The following NANS variants were observed in gnomAD, a reference collection of about 807,000 sequenced individuals.
The protein encoded by NANS is N-acetylneuraminate-9-phosphate synthase.
Under a neutral mutation model 33.3 loss-of-function variants are expected in NANS, and 29 were observed. That is an observed-to-expected ratio of 0.87 (90% CI 0.65 to 1.19). The LOEUF (loss-of-function observed/expected upper bound fraction) is 1.19. Among genes scored for constraint, NANS ranks in the 50% most tolerant of loss-of-function variants. The pLI is 0.00. For synonymous variants in NANS, 163 were observed against 177.2 expected (o/e 0.92, Z 0.64); for missense variants, 394 against 461.1 (o/e 0.85, Z 1.33).
At position 98,060,878 on chromosome 9, in the gene NANS, T is replaced by C. The variant is rs1215963034; in HGVS notation, c.229T>C (p.Trp77Arg). The change falls in exon 2 of 6, where the codon TGG (tryptophan) becomes CGG (arginine). Residue 77 changes from tryptophan (W) to arginine (R), a missense_variant. Transcript: ENST00000210444. ...GAGGCCATACACCTCGAAGCATTCC[T>C]GGGGGAAGACGTACGGGGAGCACAA... is the stretch of plus-strand genomic sequence containing the variant. ...LERPYTSKHS[W>R]GKTYGEHKRH... 1 of 1,614,138 alleles carries C rather than the reference T, an allele frequency of 6.2e-7. No homozygotes were observed. Among genetic ancestry groups the C allele is most frequent in the East Asian group, 2.2e-5 (1 of 44,886 alleles).
Position 98,080,982 on chromosome 9 carries a change from G to A in NANS, c.770G>A (p.Gly257Glu), listed in dbSNP as rs1466553738. Residue 257 changes from glycine to glutamate, a missense_variant, in exon 5 of 6, where the codon GGA becomes GAA. By Grantham distance (98) the Gly-to-Glu change is moderately conservative. Coordinates refer to ENST00000210444, the MANE Select transcript of NANS (RefSeq NM_018946.4). ...GSDHSASLEP[G>E]ELAELVRSVR... ...GACCACTCGGCCTCGCTGGAGCCTGGAGAACTGGCCGAGCTGGTGCGGTCA... is the reference window on the plus strand; with the variant it reads ...GACCACTCGGCCTCGCTGGAGCCTGAAGAACTGGCCGAGCTGGTGCGGTCA... The A allele has an allele frequency of 1.2e-6, 2 of 1,614,092 alleles. No individual in the cohort carries two copies. Among genetic ancestry groups the A allele is most frequent in the East Asian group, 4.5e-5 (2 of 44,900 alleles).
intron 1 of NANS, among the ~76,000 whole-genome samples, chr9:98,057,907 T>G (rs1453915066): frequency 2.7e-5 from 4 of 146,280 alleles, no homozygotes; most frequent in Non-Finnish European, 5.9e-5. Flanking sequence ...TTACTGTTTT[T>G]TTTTTTTTTT....
intron 2 of NANS, among the ~76,000 whole-genome samples, chr9:98,072,903 G>A (rs897688966): frequency 2.6e-5 from 4 of 152,132 alleles, no homozygotes; most frequent in African/African-American, 7.2e-5. Context: ...GTTCTAGGGC[G>A]TTCTCTGTGT....
intron 4 of NANS, among the ~76,000 whole-genome samples, chr9:98,078,856 T>C (rs1829717521): frequency 7.5e-6 from 1 of 133,620 alleles, no homozygotes. Context: ...AAAAAAAAAG[T>C]CTGTCTGTCA....
Position 98,060,941 on chromosome 9 carries a change from C to T in NANS, c.292C>T (p.Leu98=). 6.2e-7 allele frequency: 1 copy of T among 1,614,212 alleles called. No individual in the cohort carries two copies. Among genetic ancestry groups the T allele is most frequent in the Non-Finnish European group, 8.5e-7 (1 of 1,180,048 alleles). The change falls in exon 2 of 6, where the codon CTG becomes TTG. Residue 98 remains leucine (L), a synonymous_variant. Coordinates refer to ENST00000210444, the MANE Select transcript of NANS (RefSeq NM_018946.4). ...LEFSHDQYRE[L]QRYAEEVGIF... is the part of the protein sequence containing the mutation. ...GTTCAGCCATGACCAGTACAGGGAG[C>T]TGCAGAGGTACGCCGAGGAGGTTGG...
At chr9:98,061,339 T>C (rs558146098) in intron 2 of NANS, 46 of 262,750 alleles carry the variant, frequency 1.8e-4, no homozygotes, top group South Asian at 5.7e-4. Context: ...TAGCTGGGCA[T>C]GGTGGTGCGT....
intron 2 of NANS, chr9:98,076,697 A>G: frequency 1.9e-6 from 1 of 519,702 alleles, no homozygotes; most frequent in East Asian, 3.6e-5. Context: ...AGCAAAGACC[A>G]GCACCAAACG....
At chr9:98,077,076 C>G in intron 3 of NANS, 59 bp downstream of exon 3, 1 of 1,293,456 alleles carries the variant, frequency 7.7e-7, no homozygotes, top group South Asian at 1.3e-5. Flanking sequence ...TATTTTTACT[C>G]CCCTCATGGT....
chr9:98,082,214 G>T (rs1829897930), intron 5 of NANS: 1 of 152,176 alleles, frequency 6.6e-6, no homozygotes, highest in Non-Finnish European at 1.5e-5. Flanking sequence ...CTTGCCATCT[G>T]CATAACAGCC....
At chr9:98,064,379 G>A (rs1390194862) in intron 2 of NANS, among the ~76,000 whole-genome samples, 3 of 151,966 alleles carry the variant, frequency 2.0e-5, no homozygotes, top group Non-Finnish European at 4.4e-5. Flanking sequence ...TCAGCCTCCT[G>A]AGTAGCTGGG....
rs192146195 is a variant in NANS, at chr9:98,065,539, A to G, written c.348+4542A>G. On this transcript the variant is annotated intron_variant, in intron 2 of 5. Coordinates refer to ENST00000210444, the MANE Select transcript of NANS (RefSeq NM_018946.4). ...TTTTTAGTAGAGACGGGGTTTCACC[A>G]TGTTGGCCAGGCTGGTCTCGAACTC... Among the ~76,000 whole-genome samples the G allele has an allele frequency of 2.3e-4, 27 of 116,394 alleles. No individual in the cohort carries two copies. The Admixed American group carries it at 2.9e-3, about 12-fold the overall frequency. 76.4% of individuals were successfully genotyped at this position (116,394 alleles called of 152,430 possible).
chr9:98,073,733 G>A (rs7029283), intron 2 of NANS, among the ~76,000 whole-genome samples: 1 of 152,050 alleles, frequency 6.6e-6, no homozygotes, highest in Non-Finnish European at 1.5e-5. Context: ...ACACAGTACA[G>A]AAATGGGGTT....
At chr9:98,067,827 T>G (rs1195512928) in intron 2 of NANS, among the ~76,000 whole-genome samples, 1 of 133,452 alleles carries the variant, frequency 7.5e-6, no homozygotes, top group East Asian at 2.0e-4. Context: ...GCTCAAGCAA[T>G]CCTCCCACCT....
chr9:98,082,987 A>T lies in NANS; in HGVS notation c.1012A>T (p.Thr338Ser). 1 of 1,614,224 alleles carries T rather than the reference A, an allele frequency of 6.2e-7. No homozygotes were observed. The highest frequency in any genetic ancestry group is 8.5e-7 in the Non-Finnish European group (1 of 1,180,038). ...FNLVGKKVLVTVEEDDTIMEE... is the reference protein window; with the variant it reads ...FNLVGKKVLVSVEEDDTIMEE... ...TCTAGTGGGCAAGAAGGTCCTGGTC[A>T]CTGTTGAAGAGGATGACACCATCAT... Residue 338 changes from threonine (T) to serine (S), a missense_variant, in exon 6 of 6, where the codon ACT (threonine) becomes TCT (serine). Transcript: ENST00000210444.
At chr9:98,069,637 A>C (rs1476840556) in intron 2 of NANS, 1 of 152,280 alleles carries the variant, frequency 6.6e-6, no homozygotes, top group African/African-American at 2.4e-5. Flanking sequence ...TGAGTGAGAA[A>C]GCAGCATATG....
intron 2 of NANS, among the ~76,000 whole-genome samples, chr9:98,063,206 G>A (rs370278804): frequency 1.3e-5 from 2 of 151,362 alleles, no homozygotes; most frequent in African/African-American, 2.4e-5. Flanking sequence ...GGGGATTACG[G>A]GTGTGAGCCA....
chr9:98,060,914 G>A lies in NANS; in HGVS notation c.265G>A (p.Glu89Lys). Residue 89 changes from glutamate to lysine, a missense_variant, in exon 2 of 6, where the codon GAG (glutamate) becomes AAG (lysine). Glu to Lys is a moderately conservative substitution (Grantham distance 56). Transcript: ENST00000210444. Reference protein sequence around the residue: ...KTYGEHKRHLEFSHDQYRELQ... With the variant: ...KTYGEHKRHLKFSHDQYRELQ... ...GTACGGGGAGCACAAACGACATCTG[G>A]AGTTCAGCCATGACCAGTACAGGGA... 1 of 1,614,214 alleles carries A rather than the reference G, an allele frequency of 6.2e-7. No homozygotes were observed. The highest frequency in any genetic ancestry group is 8.5e-7 in the Non-Finnish European group (1 of 1,180,036).
rs1828951086 is a variant in NANS at position 98,060,808 on chromosome 9, C to G, written c.159C>G (p.Phe53Leu). 1.9e-6 allele frequency: 3 copies of G among 1,613,972 alleles called. No homozygotes were observed. Among genetic ancestry groups the G allele is most frequent in the Non-Finnish European group, 2.5e-6 (3 of 1,180,020 alleles). ...AKECGADCAKFQKSELEFKFN... is the reference protein window; with the variant it reads ...AKECGADCAKLQKSELEFKFN... The stretch of plus-strand genomic sequence containing the variant: ...AGTGTGGGGCTGATTGTGCTAAGTT[C>G]CAGAAGAGTGAGCTAGAATTCAAGT... Residue 53 changes from phenylalanine to leucine, a missense_variant, in exon 2 of 6, where the codon TTC becomes TTG. By Grantham distance (22) the Phe-to-Leu change is conservative (BLOSUM62 0). Transcript: ENST00000210444.
chr9:98,057,482 C>G (rs1447713635), intron 1 of NANS, among the ~76,000 whole-genome samples: 1 of 152,236 alleles, frequency 6.6e-6, no homozygotes, highest in African/African-American at 2.4e-5. Context: ...AGTTCCACCA[C>G]TACTAGCTGT....
Sources: gnomAD v4.1 joint callset for allele counts (sites outside exome capture counted in the v4.1 genomes callset) on GRCh38, gnomAD v4.1.1 for gene constraint, MANE v1.5 for transcripts, NCBI Gene and HGNC (gene_info 2026-07-23, HGNC 2026-07-21) for gene names.